The following DEK variants were observed in gnomAD, a reference collection of about 807,000 sequenced individuals.
The protein encoded by DEK is protein DEK.
In DEK, 28 loss-of-function variants were observed where a neutral mutation model predicts 46.8. The observed-to-expected ratio is 0.60, with a 90% CI of 0.44 to 0.82. DEK has a LOEUF of 0.82. Among genes scored for constraint, DEK ranks in the 40% least tolerant of loss-of-function variants. DEK has a pLI of 0.00. For synonymous variants in DEK, 160 were observed against 144.5 expected (o/e 1.11, Z -0.77); for missense variants, 416 against 430.6 (o/e 0.97, Z 0.30).
chr6:18,240,151 G>T (rs908842900), intron 7 of DEK, among the ~76,000 whole-genome samples: 1 of 152,192 alleles, frequency 6.6e-6, no homozygotes, highest in East Asian at 1.9e-4. Context: ...CCTGCAAATT[G>T]TGAGTAGTGA....
Position 18,256,413 on chromosome 6 carries a change from G to C in DEK, c.400C>G (p.Pro134Ala). 2 of 1,612,630 alleles carry C rather than the reference G, an allele frequency of 1.2e-6. No individual in the cohort carries two copies. Among genetic ancestry groups the C allele is most frequent in the South Asian group, 1.1e-5 (1 of 90,832 alleles). ...KKNVGQFSGF[P>A]FEKGSVQYKK... The stretch of plus-strand genomic sequence containing the variant: ...TATTGGACACTTCCTTTTTCAAATG[G>C]AAAGCCACTGAACTGACCCACATTC... Residue 134 changes from proline (P) to alanine (A), a missense_variant, in exon 5 of 11, where the codon CCA becomes GCA. Physicochemically the swap from Pro to Ala is conservative, Grantham distance 27 (BLOSUM62 -1). Coordinates refer to ENST00000652689, the MANE Select transcript of DEK (RefSeq NM_003472.4).
At chr6:18,230,504 CAT>C (rs1293073116) in intron 9 of DEK, among the ~76,000 whole-genome samples, 2 of 152,102 alleles carry the variant, frequency 1.3e-5, no homozygotes, top group Non-Finnish European at 2.9e-5. Flanking sequence ...CAGAGACACA[CAT>C]AGGCTCAAAA....
chr6:18,240,354 C>T (rs1343671801), intron 7 of DEK, among the ~76,000 whole-genome samples: 1 of 152,192 alleles, frequency 6.6e-6, no homozygotes, highest in African/African-American at 2.4e-5. Context: ...ATATACTGCA[C>T]AAGCACTAAA....
intron 7 of DEK, among the ~76,000 whole-genome samples, chr6:18,247,705 C>T (rs988723308): frequency 1.3e-5 from 2 of 151,682 alleles, no homozygotes; most frequent in African/African-American, 4.8e-5. Context: ...CGGAGTTTCG[C>T]TCGTTGCTCA....
intron 6 of DEK, among the ~76,000 whole-genome samples, chr6:18,253,859 C>G (rs112054701): frequency 6.6e-6 from 1 of 151,912 alleles, no homozygotes; most frequent in East Asian, 2.0e-4. Context: ...ATTACACGAG[C>G]GTGCCTCAGC....
At chr6:18,255,442 T>C (rs746598163) in intron 6 of DEK, among the ~76,000 whole-genome samples, 3 of 152,208 alleles carry the variant, frequency 2.0e-5, no homozygotes, top group Non-Finnish European at 2.9e-5. Context: ...ATTCTTCCAG[T>C]GTCTTCTAGA....
chr6:18,258,904 C>CTGAA (rs1264702880), intron 2 of DEK, among the ~76,000 whole-genome samples: 1 of 152,072 alleles, frequency 6.6e-6, no homozygotes, highest in Non-Finnish European at 1.5e-5. Flanking sequence ...GCAGAACAGC[C>CTGAA]TGAAGTACGT....
At position 18,224,869 on chromosome 6, in the gene DEK, C is replaced by T. The variant is rs1790037977; in HGVS notation, c.*850G>A. 4.7e-6 allele frequency: 1 copy of T among 210,840 alleles called. No homozygotes were observed. The highest frequency in any genetic ancestry group is 9.6e-6 in the Non-Finnish European group (1 of 103,738). The allele number at this position is 210,840 out of a possible 1,614,324, so 13.1% of individuals were successfully genotyped here. Reference sequence around the variant, plus strand: ...TTGATAGGTTGATTTTTGGTCTGTCCTTATATAATATAAAACGTACCTACA... The same window carrying T: ...TTGATAGGTTGATTTTTGGTCTGTCTTTATATAATATAAAACGTACCTACA... On this transcript the variant is annotated 3_prime_UTR_variant, in exon 11 of 11. Transcript: ENST00000652689.
In DEK at chr6:18,252,532, A is replaced by AG. The variant is rs1368583820; in HGVS notation, c.574-2694_574-2693insC. On this transcript the variant is annotated intron_variant, in intron 6 of 10. Transcript: ENST00000652689. ...TCCAAAAAAAAAAAAAAAAAAAAAA[A>AG]AAAGAAAATAGCCTGAGCTCGATAC... 5.2e-3 allele frequency among the ~76,000 whole-genome samples: 774 copies of AG among 148,092 alleles called. 11 individuals carry two copies. Among genetic ancestry groups the AG allele is most frequent in the Middle Eastern group, 0.014 (4 of 280 alleles).
At chr6:18,243,978 A>G (rs1203037245) in intron 7 of DEK, among the ~76,000 whole-genome samples, 2 of 152,206 alleles carry the variant, frequency 1.3e-5, no homozygotes, top group Admixed American at 6.5e-5. Context: ...TGTCTCAAAA[A>G]TAAGTGAAGT....
At chr6:18,255,239 T>C (rs1791551145) in intron 6 of DEK, among the ~76,000 whole-genome samples, 1 of 152,230 alleles carries the variant, frequency 6.6e-6, no homozygotes, top group Non-Finnish European at 1.5e-5. Context: ...GCTCCTGGGC[T>C]CTGCTGCAGA....
At chr6:18,250,251 T>C (rs112311291) in intron 6 of DEK, among the ~76,000 whole-genome samples, 2 of 151,958 alleles carry the variant, frequency 1.3e-5, no homozygotes, top group African/African-American at 2.4e-5. Flanking sequence ...GGGCAGATCA[T>C]GAGGTCAGGA....
Position 18,258,385 on chromosome 6 carries a change from C to T in DEK, c.166G>A (p.Gly56Ser). ...EEKEKSLIVE[G>S]KREKKKVERL... ...TCTACTTTTTTCTTTTCCCTCTTGC[C>T]TTCCACGATGAGACTCTTTTCTAGA... Residue 56 changes from glycine to serine, a missense_variant, in exon 3 of 11, where the codon GGC (glycine) becomes AGC (serine). Coordinates refer to ENST00000652689, the MANE Select transcript of DEK (RefSeq NM_003472.4). The T allele has an allele frequency of 1.9e-6, 3 of 1,612,700 alleles. No homozygotes were observed. The highest frequency in any genetic ancestry group is 8.5e-7 in the Non-Finnish European group (1 of 1,179,360).
intron 9 of DEK, among the ~76,000 whole-genome samples, chr6:18,231,158 C>A (rs1489483261): frequency 1.3e-5 from 2 of 152,092 alleles, no homozygotes; most frequent in Non-Finnish European, 1.5e-5. Context: ...TAAAGATGTT[C>A]TTTGAAACCA....
chr6:18,224,681 G>C lies in DEK; in HGVS notation c.*1038C>G, dbSNP rs890529585. The C allele has an allele frequency of 4.7e-6, 1 of 210,990 alleles. No homozygotes were observed. Among genetic ancestry groups the C allele is most frequent in the Non-Finnish European group, 9.6e-6 (1 of 104,058 alleles). 13.1% of individuals were successfully genotyped at this position (210,990 alleles called of 1,614,324 possible). Reference sequence around the variant, plus strand: ...CACGATTGCCTGCACATTATATTCTGGCATTATAATCTGGTACTTTAGTCA... The same window carrying C: ...CACGATTGCCTGCACATTATATTCTCGCATTATAATCTGGTACTTTAGTCA... On this transcript the variant is annotated 3_prime_UTR_variant, in exon 11 of 11. Transcript: ENST00000652689.
At chr6:18,259,056 C>T (rs1419660205) in intron 2 of DEK, among the ~76,000 whole-genome samples, 1 of 151,816 alleles carries the variant, frequency 6.6e-6, no homozygotes. Context: ...TACGGTGAGG[C>T]GCGGTGGCTC....
chr6:18,258,180 C>T, intron 3 of DEK, 118 bp from the exon 4 acceptor site: 1 of 1,087,416 alleles, frequency 9.2e-7, no homozygotes, highest in Non-Finnish European at 1.3e-6. Context: ...TCTTACAGAG[C>T]AAATTAAATA....
At chr6:18,226,521 G>A (rs908800759) in intron 9 of DEK, among the ~76,000 whole-genome samples, 3 of 152,244 alleles carry the variant, frequency 2.0e-5, no homozygotes, top group East Asian at 3.8e-4. Context: ...GCTCACGCCT[G>A]TAATTCCAAC....
chr6:18,242,190 G>A (rs1790917647), intron 7 of DEK, among the ~76,000 whole-genome samples: 5 of 152,136 alleles, frequency 3.3e-5, no homozygotes, highest in Admixed American at 3.3e-4. Context: ...TGGCAACATC[G>A]TGAAACCCCG....
Sources: allele counts gnomAD v4.1 joint callset (sites outside exome capture counted in the v4.1 genomes callset), GRCh38; gene constraint gnomAD v4.1.1; transcripts MANE v1.5; gene names NCBI Gene and HGNC (gene_info 2026-07-23, HGNC 2026-07-21).